Variants in ADAMTS20 observed in about 807,000 individuals in gnomAD.
ADAMTS20 encodes the protein A disintegrin and metalloproteinase with thrombospondin motifs 20.
In ADAMTS20, 225 loss-of-function variants were observed where a neutral mutation model predicts 260.1. The ratio of observed to expected loss-of-function variants is 0.87; its 90% confidence interval spans 0.78 to 0.97. The LOEUF (loss-of-function observed/expected upper bound fraction) is 0.97, where lower values mean the gene tolerates loss of function less well. ADAMTS20 is among the 50% of genes least tolerant of loss of function. The pLI is 0.00. For missense variants in ADAMTS20, 2,400 were observed against 2,337.7 expected, an observed-to-expected ratio of 1.03 and a Z score of -0.55; for synonymous variants, 802 against 769.5, an observed-to-expected ratio of 1.04 and a Z score of -0.70.
At chr12:43,430,259 A>C in intron 23 of ADAMTS20, 93 bp downstream of exon 23, 1 of 1,422,304 alleles carries the variant, frequency 7.0e-7, no homozygotes, top group African/African-American at 1.4e-5. Context: ...TACAAGTTTA[A>C]GTGGAAAAAA....
chr12:43,426,549 G>A (rs370802871), intron 27 of ADAMTS20, among the ~76,000 whole-genome samples: 50 of 152,246 alleles, frequency 3.3e-4, no homozygotes, highest in African/African-American at 1.2e-3. Context: ...TCCACATTAC[G>A]AAGGAGGTTA....
chr12:43,427,192 A>T (rs1941349027), intron 27 of ADAMTS20, 116 bp downstream of exon 27: 1 of 1,245,716 alleles, frequency 8.0e-7, no homozygotes, highest in Non-Finnish European at 1.1e-6. Flanking sequence ...AAAAAACAAA[A>T]ATTCTTTTTC....
chr12:43,394,804 C>T (rs777212663), intron 29 of ADAMTS20, among the ~76,000 whole-genome samples: 1 of 151,956 alleles, frequency 6.6e-6, no homozygotes, highest in Non-Finnish European at 1.5e-5. Flanking sequence ...ATCCCTGCCC[C>T]CAACATTTCC....
chr12:43,434,926 T>G (rs577038633), intron 18 of ADAMTS20, among the ~76,000 whole-genome samples: 1 of 152,174 alleles, frequency 6.6e-6, no homozygotes, highest in South Asian at 2.1e-4. Context: ...GAACATCATT[T>G]CCCAGATACA....
intron 3 of ADAMTS20, among the ~76,000 whole-genome samples, chr12:43,515,151 T>A (rs1942981563): frequency 6.6e-6 from 1 of 152,232 alleles, no homozygotes; most frequent in South Asian, 2.1e-4. Context: ...TCCATGTGCA[T>A]AAAATCATTC....
At chr12:43,465,633 A>G (rs1225058190) in intron 9 of ADAMTS20, among the ~76,000 whole-genome samples, 1 of 152,140 alleles carries the variant, frequency 6.6e-6, no homozygotes, top group East Asian at 1.9e-4. Flanking sequence ...TGAACATGTA[A>G]GCTTAAAAAT....
intron 2 of ADAMTS20, among the ~76,000 whole-genome samples, chr12:43,546,180 T>G (rs1284639968): frequency 6.6e-6 from 1 of 152,200 alleles, no homozygotes; most frequent in Non-Finnish European, 1.5e-5. Flanking sequence ...ATATTCTTAT[T>G]TCCTGTCTGA....
chr12:43,415,899 A>G (rs1260715781), intron 28 of ADAMTS20, among the ~76,000 whole-genome samples: 2 of 152,186 alleles, frequency 1.3e-5, no homozygotes, highest in African/African-American at 4.8e-5. Flanking sequence ...GCATCATCAG[A>G]TGGGCCCTTC....
At chr12:43,452,824 T>G (rs1941895202) in intron 12 of ADAMTS20, 129 bp from the exon 13 acceptor site, 1 of 804,528 alleles carries the variant, frequency 1.2e-6, no homozygotes, top group African/African-American at 1.7e-5. Context: ...TTAACAGAAG[T>G]ATGTAACATG....
rs1940255721 is a variant in ADAMTS20, at chr12:43,377,483, A to C, written c.4877T>G (p.Leu1626Arg). 2.5e-6 allele frequency: 4 copies of C among 1,613,758 alleles called. No homozygotes were observed. The highest frequency in any genetic ancestry group is 1.7e-4 in the Middle Eastern group (1 of 6,060). ...TEIPSTKKHK[L>R]HRLRPIVYQE... ...ATAAACTATAGGCCGAAGTCGATGG[A>C]GCTTATGTTTCTTAGTAGATGGGAT... is the stretch of plus-strand genomic sequence containing the variant. Residue 1626 changes from leucine (L) to arginine (R), a missense_variant, in exon 32 of 39, where the codon CTC (leucine) becomes CGC (arginine). By Grantham distance (102) the Leu-to-Arg change is moderately radical. Coordinates refer to ENST00000389420, the MANE Select transcript of ADAMTS20 (RefSeq NM_025003.5).
chr12:43,550,323 C>T (rs61925195), intron 2 of ADAMTS20, among the ~76,000 whole-genome samples: 13,670 of 152,106 alleles, frequency 0.09, 793 homozygotes, highest in Admixed American at 0.19. Flanking sequence ...ACAGACATAA[C>T]CAATAGATCT....
At chr12:43,481,968 C>T (rs1178829205) in intron 7 of ADAMTS20, among the ~76,000 whole-genome samples, 5 of 152,088 alleles carry the variant, frequency 3.3e-5, no homozygotes, top group African/African-American at 1.2e-4. Flanking sequence ...GAGAGCCTGC[C>T]ACCGTGACAC....
chr12:43,470,749 A>AT (rs1259819610), intron 7 of ADAMTS20, among the ~76,000 whole-genome samples: 1 of 152,236 alleles, frequency 6.6e-6, no homozygotes, highest in Admixed American at 6.5e-5. Context: ...AAATGGAGAT[A>AT]TAACAGAAAA....
In ADAMTS20 at chr12:43,443,842, C is replaced by T. The variant is rs745772339; in HGVS notation, c.2239G>A (p.Val747Ile). 58 of 1,613,162 alleles carry T rather than the reference C, an allele frequency of 3.6e-5. No homozygotes were observed. Among genetic ancestry groups the T allele is most frequent in the Non-Finnish European group, 4.2e-5 (50 of 1,179,344 alleles). Residue 747 changes from valine to isoleucine, a missense_variant, in exon 16 of 39, where the codon GTT becomes ATT. Physicochemically the swap from Val to Ile is conservative, Grantham distance 29. Transcript: ENST00000389420. ...VVKIPAGATN[V>I]DIRQYSYSGQ... The stretch of plus-strand genomic sequence containing the variant: ...GAATAGCTGTACTGACGAATGTCAA[C>T]GTTTGTTGCTCCTGCGGGAATCTTT...
chr12:43,521,335 A>C (rs1240689294), intron 3 of ADAMTS20, among the ~76,000 whole-genome samples: 3 of 152,226 alleles, frequency 2.0e-5, no homozygotes, highest in Non-Finnish European at 2.9e-5. Flanking sequence ...TATTACATTT[A>C]AAGGAATGGG....
chr12:43,376,425 C>T, intron 33 of ADAMTS20, 95 bp from the exon 34 acceptor site: 1 of 1,452,244 alleles, frequency 6.9e-7, no homozygotes, highest in Non-Finnish European at 9.3e-7. Context: ...GAATATCTGA[C>T]ACTTTGTTTT....
At chr12:43,493,676 A>C (rs1162254374) in intron 4 of ADAMTS20, among the ~76,000 whole-genome samples, 1 of 152,202 alleles carries the variant, frequency 6.6e-6, no homozygotes, top group Non-Finnish European at 1.5e-5. Context: ...CAAGAAATTC[A>C]CTTCATTCTG....
At chr12:43,500,403 G>C (rs1480430074) in intron 4 of ADAMTS20, among the ~76,000 whole-genome samples, 1 of 152,070 alleles carries the variant, frequency 6.6e-6, no homozygotes, top group Non-Finnish European at 1.5e-5. Flanking sequence ...CCATATAATT[G>C]ATACAATCTT....
intron 28 of ADAMTS20, among the ~76,000 whole-genome samples, chr12:43,417,816 A>G (rs1280040911): frequency 6.6e-6 from 1 of 152,220 alleles, no homozygotes; most frequent in African/African-American, 2.4e-5. Context: ...TCTGACATAC[A>G]ACATTTATAA....
Sources: allele counts gnomAD v4.1 joint callset (sites outside exome capture counted in the v4.1 genomes callset), GRCh38; gene constraint gnomAD v4.1.1; transcripts MANE v1.5; gene names NCBI Gene and HGNC (gene_info 2026-07-23, HGNC 2026-07-21).